Variants in LYPLA1 observed in about 807,000 individuals in gnomAD.
LYPLA1 encodes lysophospholipase 1, also known as acyl-protein thioesterase 1.
Under a neutral mutation model 34.0 loss-of-function variants are expected in LYPLA1, and 17 were observed. The ratio of observed to expected loss-of-function variants is 0.50; its 90% CI spans 0.34 to 0.75. LYPLA1 has a LOEUF of 0.75. Among genes scored for constraint, LYPLA1 ranks in the 30% least tolerant of loss-of-function variants. The pLI, the probability that LYPLA1 is intolerant of heterozygous loss-of-function variation, is 0.01. For synonymous variants in LYPLA1, 98 were observed against 100.8 expected, an observed-to-expected ratio of 0.97 and a Z score of 0.17; for missense variants, 203 against 288.8, an observed-to-expected ratio of 0.70 and a Z score of 2.15.
intron 3 of LYPLA1, among the ~76,000 whole-genome samples, chr8:54,065,330 T>C (rs1586106935): frequency 6.6e-6 from 1 of 152,058 alleles, no homozygotes; most frequent in East Asian, 1.9e-4. Flanking sequence ...TGGTGGCACG[T>C]ACCTGTAATC....
chr8:54,054,603 C>T (rs73681304), intron 6 of LYPLA1: 19,193 of 152,624 alleles, frequency 0.13, 3,211 homozygotes, highest in African/African-American at 0.39. Flanking sequence ...AAGAAAGGTC[C>T]GTATGAGGAA....
At chr8:54,079,276 G>A (rs916664695) in intron 2 of LYPLA1, among the ~76,000 whole-genome samples, 8 of 152,252 alleles carry the variant, frequency 5.3e-5, no homozygotes, top group Middle Eastern at 3.4e-3. Flanking sequence ...CATCACGCCC[G>A]TCCAGTTTTC....
intron 2 of LYPLA1, among the ~76,000 whole-genome samples, chr8:54,075,238 A>C (rs1404827582): frequency 6.6e-6 from 1 of 152,270 alleles, no homozygotes; most frequent in African/African-American, 2.4e-5. Context: ...CAAAGACAGA[A>C]GCAGAACAAC....
intron 1 of LYPLA1, 126 bp downstream of exon 1, chr8:54,101,629 A>AC: frequency 2.6e-6 from 3 of 1,138,832 alleles, no homozygotes; most frequent in Non-Finnish European, 3.3e-6. Context: ...TTCGCACCCC[A>AC]CCCGGGCCGG....
At chr8:54,073,273 A>G (rs987640714) in intron 2 of LYPLA1, 2 of 887,166 alleles carry the variant, frequency 2.3e-6, no homozygotes, top group African/African-American at 1.6e-5. Context: ...GGGAACCTGC[A>G]TGCTGGGGTC....
intron 2 of LYPLA1, among the ~76,000 whole-genome samples, chr8:54,096,901 G>C (rs1435840466): frequency 7.2e-5 from 11 of 152,042 alleles, no homozygotes; most frequent in Non-Finnish European, 8.8e-5. Flanking sequence ...GACAGAGCGA[G>C]ATTCTGTCTC....
intron 2 of LYPLA1, among the ~76,000 whole-genome samples, chr8:54,098,317 C>T (rs193096366): frequency 2.3e-3 from 354 of 152,130 alleles, no homozygotes; most frequent in African/African-American, 8.1e-3. Flanking sequence ...AGCATGGATA[C>T]GCTAGGTAAA....
intron 2 of LYPLA1, among the ~76,000 whole-genome samples, chr8:54,074,561 T>C (rs1279724957): frequency 6.6e-6 from 1 of 152,248 alleles, no homozygotes; most frequent in Non-Finnish European, 1.5e-5. Context: ...ATCAAATGGC[T>C]GATCGCCTAG....
chr8:54,076,646 G>A (rs555905521), intron 2 of LYPLA1, among the ~76,000 whole-genome samples: 4 of 152,250 alleles, frequency 2.6e-5, no homozygotes, highest in Admixed American at 6.5e-5. Flanking sequence ...TGGGTTTACC[G>A]GAATGAGGGC....
chr8:54,083,594 A>C (rs1473248751), intron 2 of LYPLA1, among the ~76,000 whole-genome samples: 1 of 152,198 alleles, frequency 6.6e-6, no homozygotes, highest in Non-Finnish European at 1.5e-5. Flanking sequence ...GCAACTACTC[A>C]ACTCAGCCAC....
chr8:54,081,927 G>A (rs1301743812), intron 2 of LYPLA1, among the ~76,000 whole-genome samples: 2 of 151,470 alleles, frequency 1.3e-5, no homozygotes, highest in Non-Finnish European at 2.9e-5. Context: ...ATGGGGTTTC[G>A]CCATGTTGGC....
chr8:54,080,657 G>C (rs1351312410), intron 2 of LYPLA1, among the ~76,000 whole-genome samples: 1 of 152,092 alleles, frequency 6.6e-6, no homozygotes, highest in East Asian at 1.9e-4. Context: ...GGGTGATCTC[G>C]GTTCACTGCA....
At chr8:54,095,643 T>G (rs570825399) in intron 2 of LYPLA1, among the ~76,000 whole-genome samples, 1 of 152,270 alleles carries the variant, frequency 6.6e-6, no homozygotes, top group South Asian at 2.1e-4. Context: ...GATGCACTGT[T>G]ATGGACACAG....
At chr8:54,053,560 G>C (rs965180346) in intron 6 of LYPLA1, 2 of 455,738 alleles carry the variant, frequency 4.4e-6, no homozygotes, top group African/African-American at 4.0e-5. Context: ...ATGGGTTACT[G>C]CAACACATGA....
At chr8:54,043,836 C>T (rs1805424941), downstream of LYPLA1, among the ~76,000 whole-genome samples, 1 of 152,168 alleles carries the variant, frequency 6.6e-6, no homozygotes, top group South Asian at 2.1e-4. Context: ...GCTGGGATTG[C>T]AGGTGTGAGC....
downstream of LYPLA1, among the ~76,000 whole-genome samples, chr8:54,044,592 G>A (rs999138955): frequency 6.6e-6 from 1 of 151,948 alleles, no homozygotes; most frequent in Non-Finnish European, 1.5e-5. Flanking sequence ...GTGACGGGGT[G>A]GAAGGGGCCA....
At chr8:54,062,622 CTG>C (rs1377359988) in intron 4 of LYPLA1, among the ~76,000 whole-genome samples, 4 of 152,180 alleles carry the variant, frequency 2.6e-5, no homozygotes, top group Non-Finnish European at 4.4e-5. Flanking sequence ...AGCAATTCTC[CTG>C]TGTCAGCCTC....
At chr8:54,072,212 C>T (rs1361161160) in intron 2 of LYPLA1, among the ~76,000 whole-genome samples, 1 of 152,168 alleles carries the variant, frequency 6.6e-6, no homozygotes. Context: ...GGACCCCCAC[C>T]TAACACCACA....
intron 2 of LYPLA1, among the ~76,000 whole-genome samples, chr8:54,071,957 G>C (rs949115315): frequency 1.3e-5 from 2 of 152,138 alleles, no homozygotes; most frequent in Non-Finnish European, 1.5e-5. Flanking sequence ...AACAAAGCTG[G>C]AGGCATCATG....
Sources: allele counts gnomAD v4.1 joint callset (sites outside exome capture counted in the v4.1 genomes callset), GRCh38; gene constraint gnomAD v4.1.1; transcripts MANE v1.5; gene names NCBI Gene and HGNC (gene_info 2026-07-23, HGNC 2026-07-21).